Variants in RPH3A observed in about 807,000 individuals in gnomAD.
RPH3A encodes rabphilin 3A, also known as rabphilin-3A.
A neutral mutation model predicts 102.2 loss-of-function variants in RPH3A; 48 were observed. That is an observed-to-expected ratio of 0.47 (90% confidence interval 0.37 to 0.60). The LOEUF is 0.60. Ranked by LOEUF, RPH3A falls within the 20% of genes least tolerant of loss-of-function variation. RPH3A has a pLI of 0.00. For missense variants in RPH3A, 781 were observed against 910.1 expected (o/e 0.86, Z 1.83); for synonymous variants, 310 against 324.3 (o/e 0.96, Z 0.47).
At chr12:112,760,110 C>A (rs1844197924) in intron 1 of RPH3A, among the ~76,000 whole-genome samples, 1 of 152,180 alleles carries the variant, frequency 6.6e-6, no homozygotes, top group Non-Finnish European at 1.5e-5. Flanking sequence ...TAAGATAAAA[C>A]ACACATTGAG....
At chr12:112,608,136 C>T (rs549024117) in intron 1 of RPH3A, among the ~76,000 whole-genome samples, 19 of 143,992 alleles carry the variant, frequency 1.3e-4, no homozygotes, top group Admixed American at 5.6e-4. Flanking sequence ...TTTTTTTTGA[C>T]GGGGAGTTGC....
chr12:112,704,593 C>A (rs577050519), intron 1 of RPH3A, among the ~76,000 whole-genome samples: 1 of 152,160 alleles, frequency 6.6e-6, no homozygotes, highest in African/African-American at 2.4e-5. Flanking sequence ...GAAAGCAATG[C>A]GGCTACCATC....
intron 14 of RPH3A, 82 bp from the exon 15 acceptor site, chr12:112,881,690 C>T: frequency 2.1e-6 from 2 of 949,936 alleles, no homozygotes; most frequent in South Asian, 1.6e-5. Context: ...AGGACAGATG[C>T]CAGGGGCTAT....
chr12:112,741,839 G>A (rs1251373473), intron 1 of RPH3A, among the ~76,000 whole-genome samples: 1 of 152,124 alleles, frequency 6.6e-6, no homozygotes, highest in Non-Finnish European at 1.5e-5. Flanking sequence ...CCTAGTCCTT[G>A]CCTTTTCCTA....
chr12:112,706,542 C>T (rs1412226299), intron 1 of RPH3A, among the ~76,000 whole-genome samples: 1 of 152,146 alleles, frequency 6.6e-6, no homozygotes, highest in Non-Finnish European at 1.5e-5. Flanking sequence ...GAAACCCTGC[C>T]CCAAATCAGG....
intron 10 of RPH3A, among the ~76,000 whole-genome samples, 194 bp downstream of exon 10, chr12:112,870,233 C>T (rs1399469684): frequency 6.7e-6 from 1 of 148,308 alleles, no homozygotes; most frequent in East Asian, 2.0e-4. Context: ...TGGCTCTAGA[C>T]ATCCATAATT....
In RPH3A at chr12:112,881,822, G is replaced by T; in HGVS notation, c.1302G>T (p.Leu434=). Residue 434 remains leucine, a synonymous_variant, in exon 15 of 22, where the codon CTG becomes CTT. Transcript: ENST00000389385. ...GCTTGGCTGATCCCTACGTTAAGCT[G>T]CACCTCCTGCCGGGAGCCAGCAAGG... The part of the protein sequence containing the change: ...SNGLADPYVK[L]HLLPGASKSN... The T allele has an allele frequency of 6.2e-7, 1 of 1,612,080 alleles. No individual in the cohort carries two copies. Among genetic ancestry groups the T allele is most frequent in the Non-Finnish European group, 8.5e-7 (1 of 1,178,804 alleles).
At chr12:112,881,671 C>T in intron 14 of RPH3A, 101 bp from the exon 15 acceptor site, 1 of 750,818 alleles carries the variant, frequency 1.3e-6, no homozygotes, top group Non-Finnish European at 2.2e-6. Context: ...ACAGCGTGGA[C>T]CAACAGGCAG....
Position 112,875,680 on chromosome 12 carries a change from G to T in RPH3A, c.885G>T (p.Gly295=). ...TGTTTGTCTCCTCTCCCTGCTCAGG[G>T]ACCCCAGGAGGAAGCAGACCGGGTC... is the stretch of plus-strand genomic sequence containing the variant. The part of the protein sequence containing the change: ...SPAPPQPGQP[G]TPGGSRPGPG... Residue 295 remains glycine (G), a splice_region_variant and synonymous_variant, in exon 12 of 22, where the codon GGG becomes GGT. Coordinates refer to ENST00000389385, the MANE Select transcript of RPH3A (RefSeq NM_001143854.2). 6.2e-7 allele frequency: 1 copy of T among 1,613,434 alleles called. No homozygotes were observed. The highest frequency in any genetic ancestry group is 8.5e-7 in the Non-Finnish European group (1 of 1,179,658).
intron 2 of RPH3A, among the ~76,000 whole-genome samples, chr12:112,806,833 T>C (rs2041474843): frequency 6.6e-6 from 1 of 152,006 alleles, no homozygotes; most frequent in African/African-American, 2.4e-5. Context: ...TGTATAATGA[T>C]AAATGAAGGC....
intron 1 of RPH3A, among the ~76,000 whole-genome samples, chr12:112,748,432 C>T (rs566917875): frequency 1.4e-4 from 22 of 152,270 alleles, no homozygotes; most frequent in Admixed American, 8.5e-4. Flanking sequence ...CTCATGGACT[C>T]AAGGGATCCT....
intron 3 of RPH3A, among the ~76,000 whole-genome samples, chr12:112,829,960 A>G (rs375075806): frequency 2.0e-5 from 3 of 152,242 alleles, no homozygotes; most frequent in Non-Finnish European, 4.4e-5. Context: ...CTTGAAGTAC[A>G]TAAGGTTGGA....
At chr12:112,754,078 A>T (rs2040804393) in intron 1 of RPH3A, among the ~76,000 whole-genome samples, 1 of 152,152 alleles carries the variant, frequency 6.6e-6, no homozygotes, top group Admixed American at 6.5e-5. Context: ...TGCAGCGCTG[A>T]CAATCCATTT....
At chr12:112,842,754 G>A (rs2042166696) in intron 4 of RPH3A, among the ~76,000 whole-genome samples, 1 of 152,224 alleles carries the variant, frequency 6.6e-6, no homozygotes, top group Non-Finnish European at 1.5e-5. Flanking sequence ...AAAAGTTAGG[G>A]CATCCTGGTA....
chr12:112,587,810 T>C (rs139173570), intron 1 of RPH3A, among the ~76,000 whole-genome samples: 1 of 152,304 alleles, frequency 6.6e-6, no homozygotes, highest in African/African-American at 2.4e-5. Context: ...ATCTGTTGAA[T>C]GAATGAGTGG....
intron 1 of RPH3A, among the ~76,000 whole-genome samples, chr12:112,687,984 G>C (rs769347571): frequency 1.3e-5 from 2 of 152,122 alleles, no homozygotes; most frequent in South Asian, 2.1e-4. Context: ...AGGCCCAAAA[G>C]GACAGCTCAC....
At position 112,849,801 on chromosome 12, in the gene RPH3A, G is replaced by A. The variant is rs1452555532; in HGVS notation, c.230+1959G>A. Among the ~76,000 whole-genome samples, 7 of 152,172 alleles carry A rather than the reference G, an allele frequency of 4.6e-5. No individual in the cohort carries two copies. The East Asian group carries it at 1.3e-3, about 29-fold the overall frequency. On this transcript the variant is annotated intron_variant, in intron 5 of 21. Coordinates refer to ENST00000389385, the MANE Select transcript of RPH3A (RefSeq NM_001143854.2). The stretch of plus-strand genomic sequence containing the variant: ...CATTGCCTGTGGCCAAGAGGCTTGG[G>A]AGTTTATAGTCTTATCCAGGGTCCA...
intron 1 of RPH3A, among the ~76,000 whole-genome samples, chr12:112,767,019 G>A (rs1027943275): frequency 2.6e-5 from 4 of 152,164 alleles, no homozygotes; most frequent in Admixed American, 6.5e-5. Flanking sequence ...GATGGTTGAC[G>A]TCCCAAGGAT....
intron 1 of RPH3A, among the ~76,000 whole-genome samples, chr12:112,742,526 A>T (rs1228856503): frequency 6.6e-6 from 1 of 152,192 alleles, no homozygotes; most frequent in Non-Finnish European, 1.5e-5. Context: ...TTCCAGCAGG[A>T]AACAGTTGGC....
Sources: allele counts gnomAD v4.1 joint callset (sites outside exome capture counted in the v4.1 genomes callset), GRCh38; gene constraint gnomAD v4.1.1; transcripts MANE v1.5; gene names NCBI Gene and HGNC (gene_info 2026-07-23, HGNC 2026-07-21).